Variants in PRTFDC1 observed in about 807,000 individuals in gnomAD.
PRTFDC1 encodes the protein phosphoribosyl transferase domain containing 1.
A neutral mutation model predicts 34.6 loss-of-function variants in PRTFDC1; 38 were observed. The observed-to-expected ratio is 1.10, with a 90% confidence interval of 0.85 to 1.44. The LOEUF (loss-of-function observed/expected upper bound fraction) is 1.44, where lower values mean the gene tolerates loss of function less well. Among genes scored for constraint, PRTFDC1 ranks in the 40% most tolerant of loss-of-function variants. The probability of loss-of-function intolerance (pLI) is 0.00; values close to 1 mark genes in which losing one functional copy is unlikely to be tolerated. For synonymous variants in PRTFDC1, 93 were observed against 98.1 expected, an observed-to-expected ratio of 0.95 and a Z score of 0.31; for missense variants, 270 against 283.0, an observed-to-expected ratio of 0.95 and a Z score of 0.33.
At chr10:24,930,177 C>T (rs1457414716) in intron 3 of PRTFDC1, among the ~76,000 whole-genome samples, 1 of 152,036 alleles carries the variant, frequency 6.6e-6, no homozygotes, top group Non-Finnish European at 1.5e-5. Context: ...TAGTATGAAG[C>T]CTGAAGCTCA....
At chr10:24,905,676 C>A (rs1417525647) in intron 3 of PRTFDC1, among the ~76,000 whole-genome samples, 2 of 152,050 alleles carry the variant, frequency 1.3e-5, no homozygotes, top group African/African-American at 4.8e-5. Flanking sequence ...GTTTCTTTCT[C>A]TTCTCTTCCT....
chr10:24,894,098 C>A (rs537481264), intron 3 of PRTFDC1, among the ~76,000 whole-genome samples: 1 of 151,994 alleles, frequency 6.6e-6, no homozygotes, highest in East Asian at 1.9e-4. Context: ...TTTGGGAGGC[C>A]GAGGTGGGGG....
rs1438583279 is a variant in PRTFDC1 at position 24,858,170 on chromosome 10, C to T, written c.423+222G>A. Among the ~76,000 whole-genome samples the T allele has an allele frequency of 3.9e-5, 6 of 152,144 alleles. No individual in the cohort carries two copies. In the East Asian group the frequency reaches 1.2e-3, roughly 29 times the overall value. ...ACACAGAGATATGTGGAACTGGATA[C>T]ACAAAAAGGATAAAGTCGCCCACAA... On this transcript the variant is annotated intron_variant, in intron 5 of 8. Transcript: ENST00000320152.
Position 24,849,398 on chromosome 10 carries a change from T to TA in PRTFDC1, c.*445dup, listed in dbSNP as rs1847444141. 1 of 153,644 alleles carries TA rather than the reference T, an allele frequency of 6.5e-6. No individual in the cohort carries two copies. Among genetic ancestry groups the TA allele is most frequent in the Non-Finnish European group, 1.5e-5 (1 of 68,924 alleles). 9.5% of individuals were successfully genotyped at this position (153,644 alleles called of 1,614,324 possible). A position where few individuals can be genotyped will look rare whatever the true frequency, so the allele number is the denominator to read the frequency against. On this transcript the variant is annotated 3_prime_UTR_variant, in exon 9 of 9. Transcript: ENST00000320152. ...TCTATTAATAGCTGCATTCCCGGTA[T>TA]AGGGGACTCAAGTCTTCAGTTAAAA... is the stretch of plus-strand genomic sequence containing the variant.
chr10:24,905,754 A>G (rs1250017916), intron 3 of PRTFDC1, among the ~76,000 whole-genome samples: 1 of 152,112 alleles, frequency 6.6e-6, no homozygotes, highest in Non-Finnish European at 1.5e-5. Flanking sequence ...TCCTTTTATC[A>G]ACTGTATTCC....
rs139171291 is a variant in PRTFDC1, at chr10:24,923,100, C to T, written c.339+14084G>A. Among the ~76,000 whole-genome samples, 225 of 152,306 alleles carry T rather than the reference C, an allele frequency of 1.5e-3. 1 individual carries two copies. Among genetic ancestry groups the T allele is most frequent in the African/African-American group, 4.3e-3 (180 of 41,566 alleles). On this transcript the variant is annotated intron_variant, in intron 3 of 8. Transcript: ENST00000320152. The stretch of plus-strand genomic sequence containing the variant: ...TGCTGTAGCTGGGCAGTGGGAGGGT[C>T]GTCCACCATTGCTGAGGCTTCAGTA...
At chr10:24,918,229 A>G in intron 3 of PRTFDC1, among the ~76,000 whole-genome samples, 1 of 152,044 alleles carries the variant, frequency 6.6e-6, no homozygotes, top group East Asian at 1.9e-4. Context: ...CATTGCAGGC[A>G]CTTGGGTCCA....
rs1847585620 is a variant in PRTFDC1, at chr10:24,856,826, C to T, written c.506+87G>A. 4 of 1,242,860 alleles carry T rather than the reference C, an allele frequency of 3.2e-6. No homozygotes were observed. Among genetic ancestry groups the T allele is most frequent in the Middle Eastern group, 1.9e-4 (1 of 5,308 alleles). 77.0% of individuals were successfully genotyped at this position (1,242,860 alleles called of 1,614,324 possible). A position where few individuals can be genotyped will look rare whatever the true frequency, so the allele number is the denominator to read the frequency against. ...GGTCACTAGTTTGGAATATATTACA[C>T]TCTTTGGAAAGAGCATCCTGTGTTA... On this transcript the variant is annotated intron_variant, in intron 6 of 8. Coordinates refer to ENST00000320152, the MANE Select transcript of PRTFDC1 (RefSeq NM_020200.7).
At chr10:24,912,134 T>C (rs1458220792) in intron 3 of PRTFDC1, among the ~76,000 whole-genome samples, 1 of 151,198 alleles carries the variant, frequency 6.6e-6, no homozygotes, top group Non-Finnish European at 1.5e-5. Context: ...CCAGATACGG[T>C]GGTGCATGCT....
intron 4 of PRTFDC1, among the ~76,000 whole-genome samples, chr10:24,863,779 A>G (rs562798722): frequency 6.6e-6 from 1 of 152,204 alleles, no homozygotes; most frequent in South Asian, 2.1e-4. Flanking sequence ...GAGGGGCCCA[A>G]GGTTTCAGTG....
At chr10:24,859,317 T>G (rs189758547) in intron 4 of PRTFDC1, among the ~76,000 whole-genome samples, 10 of 152,298 alleles carry the variant, frequency 6.6e-5, no homozygotes, top group African/African-American at 1.7e-4. Flanking sequence ...TGGAGTGCAG[T>G]AGTGCTATCT....
intron 1 of PRTFDC1, among the ~76,000 whole-genome samples, chr10:24,947,158 A>T (rs895554525): frequency 1.1e-4 from 17 of 152,232 alleles, no homozygotes; most frequent in Non-Finnish European, 5.9e-5. Context: ...AACAAAAAGT[A>T]TAAAAGTAGA....
intron 3 of PRTFDC1, among the ~76,000 whole-genome samples, chr10:24,923,987 C>T (rs112865020): frequency 0.012 from 1,774 of 152,216 alleles, 16 homozygotes; most frequent in Non-Finnish European, 0.017. Flanking sequence ...AACCACAGTA[C>T]GAGAACTTCG....
Position 24,952,492 on chromosome 10 carries a change from G to T in PRTFDC1, c.48+36C>A. ...AGCAGGGTGCCAGGGAGGGAGGGGA[G>T]CGGGCCGAGCCCCAAAATAGGGAGT... On this transcript the variant is annotated intron_variant, in intron 1 of 8. Transcript: ENST00000320152. The surrounding 1 kb of genome is among the most constrained non-coding windows in gnomAD (Gnocchi z 5.1). 6.4e-7 allele frequency: 1 copy of T among 1,561,074 alleles called. No individual in the cohort carries two copies. The highest frequency in any genetic ancestry group is 8.7e-7 in the Non-Finnish European group (1 of 1,150,664).
chr10:24,882,194 G>A (rs1275336952), intron 3 of PRTFDC1, among the ~76,000 whole-genome samples: 1 of 118,924 alleles, frequency 8.4e-6, no homozygotes, highest in African/African-American at 3.4e-5. Flanking sequence ...GTGACAGAGC[G>A]GATCTGCCTC....
At chr10:24,899,052 A>G (rs1321207408) in intron 3 of PRTFDC1, among the ~76,000 whole-genome samples, 2 of 152,146 alleles carry the variant, frequency 1.3e-5, no homozygotes, top group Non-Finnish European at 2.9e-5. Context: ...TGAGAAATAA[A>G]TTTTTATTGT....
chr10:24,933,328 A>C (rs993326869), intron 3 of PRTFDC1, among the ~76,000 whole-genome samples: 1 of 152,112 alleles, frequency 6.6e-6, no homozygotes, highest in Non-Finnish European at 1.5e-5. Context: ...CTGACTAAAA[A>C]ATATATCAAA....
intron 3 of PRTFDC1, among the ~76,000 whole-genome samples, chr10:24,880,399 ACC>A (rs1848047232): frequency 1.3e-5 from 2 of 152,012 alleles, no homozygotes; most frequent in African/African-American, 4.8e-5. Flanking sequence ...ATTACAGGCT[ACC>A]AGGCCCAGCT....
intron 3 of PRTFDC1, 102 bp from the exon 4 acceptor site, chr10:24,872,165 CA>C: frequency 1.0e-6 from 1 of 979,220 alleles, no homozygotes; most frequent in Non-Finnish European, 1.6e-6. Flanking sequence ...ATGTGCCTTA[CA>C]AATATAGCAC....
Sources: allele counts gnomAD v4.1 joint callset (sites outside exome capture counted in the v4.1 genomes callset), GRCh38; gene constraint gnomAD v4.1.1; non-coding constraint Gnocchi (gnomAD v3.1); transcripts MANE v1.5; gene names NCBI Gene and HGNC (gene_info 2026-07-23, HGNC 2026-07-21).